The following CAPS2 variants were observed in gnomAD, a reference collection of about 807,000 sequenced individuals.
CAPS2 encodes calcyphosine 2, also known as calcyphosin-2.
In CAPS2, 98 loss-of-function variants were observed where a neutral mutation model predicts 86.5. The ratio of observed to expected loss-of-function variants is 1.13; its 90% confidence interval spans 0.96 to 1.34. CAPS2 has a LOEUF of 1.34. CAPS2 is among the 40% of genes most tolerant of loss of function. The probability of loss-of-function intolerance (pLI) is 0.00; values close to 1 mark genes in which losing one functional copy is unlikely to be tolerated. For synonymous variants in CAPS2, 210 were observed against 225.1 expected (o/e 0.93, Z 0.60); for missense variants, 729 against 686.8 (o/e 1.06, Z -0.69).
chr12:75,387,361 C>G (rs1294393016), intron 1 of CAPS2, among the ~76,000 whole-genome samples: 1 of 152,152 alleles, frequency 6.6e-6, no homozygotes, highest in Admixed American at 6.5e-5. Context: ...TGAAATACCA[C>G]TACACACCTT....
chr12:75,346,662 A>C (rs2042470368), intron 1 of CAPS2, among the ~76,000 whole-genome samples: 1 of 152,128 alleles, frequency 6.6e-6, no homozygotes, highest in African/African-American at 2.4e-5. Context: ...TCTCGTTTTT[A>C]AGTTCTCAGT....
chr12:75,305,647 C>T (rs71460129), intron 7 of CAPS2: 36,774 of 630,750 alleles, frequency 0.058, 1,394 homozygotes, highest in African/African-American at 0.15. Context: ...CGGAGAAGGG[C>T]GGCGCCCACC....
chr12:75,284,928 A>T (rs1197810697), intron 15 of CAPS2, 33 bp downstream of exon 15: 1 of 1,554,384 alleles, frequency 6.4e-7, no homozygotes, highest in Non-Finnish European at 8.8e-7. Flanking sequence ...TCTATTAAAA[A>T]TAACAATTTG....
intron 1 of CAPS2, among the ~76,000 whole-genome samples, chr12:75,364,456 C>G (rs2139635941): frequency 6.6e-6 from 1 of 152,352 alleles, no homozygotes; most frequent in South Asian, 2.1e-4. Flanking sequence ...CAGGTTCATC[C>G]TGTCCCTCAG....
intron 1 of CAPS2, among the ~76,000 whole-genome samples, chr12:75,348,758 G>C (rs947577960): frequency 2.6e-5 from 4 of 152,074 alleles, no homozygotes; most frequent in African/African-American, 9.7e-5. Flanking sequence ...CAAGTGGTAG[G>C]GACCAATATA....
At chr12:75,330,025 C>T, upstream of CAPS2, 1 of 615,940 alleles carries the variant, frequency 1.6e-6, no homozygotes, top group Non-Finnish European at 2.8e-6. Context: ...AAGCTTTAGA[C>T]AGGACAGTCT....
chr12:75,310,253 GT>G (rs1278958657), intron 7 of CAPS2, among the ~76,000 whole-genome samples: 1 of 152,118 alleles, frequency 6.6e-6, no homozygotes, highest in African/African-American at 2.4e-5. Context: ...AAGATACAAA[GT>G]TTTGAGAAAG....
chr12:75,366,824 C>T (rs867733773), intron 1 of CAPS2: 18 of 698,310 alleles, frequency 2.6e-5, no homozygotes, highest in Middle Eastern at 3.1e-4. Context: ...GCTAAAAATG[C>T]CAAGTGAACA....
chr12:75,290,055 C>T (rs2035572642), intron 13 of CAPS2, among the ~76,000 whole-genome samples: 1 of 152,076 alleles, frequency 6.6e-6, no homozygotes, highest in Non-Finnish European at 1.5e-5. Context: ...ACTTTATCAC[C>T]AAGAGAATAA....
intron 1 of CAPS2, chr12:75,361,049 A>C (rs1013680243): frequency 1.3e-5 from 2 of 152,140 alleles, no homozygotes; most frequent in African/African-American, 4.8e-5. Context: ...GAATTAATTA[A>C]GCAAAAGAGA....
rs111991215 is a variant in CAPS2, at chr12:75,361,797, C to G, written c.-395+29041G>C. ...AACCACCCCCATAATCCAATCACCT[C>G]CCTCCCTAAACTTGGGGCTTACAGG... On this transcript the variant is annotated intron_variant, in intron 1 of 5. Coordinates refer to the CAPS2 transcript ENST00000551829. Among the ~76,000 whole-genome samples, 171 of 152,216 alleles carry G rather than the reference C, an allele frequency of 1.1e-3. 3 individuals are homozygous for G. The highest frequency in any genetic ancestry group is 4.0e-3 in the African/African-American group (166 of 41,546).
chr12:75,321,707 C>T (rs1017401186), intron 4 of CAPS2, 131 bp from the exon 5 acceptor site: 3 of 676,490 alleles, frequency 4.4e-6, no homozygotes, highest in African/African-American at 3.6e-5. Flanking sequence ...ATGTTCTAAG[C>T]AGAGATGGTA....
intron 15 of CAPS2, among the ~76,000 whole-genome samples, chr12:75,284,545 A>C (rs1341004515): frequency 2.0e-5 from 3 of 152,126 alleles, no homozygotes; most frequent in African/African-American, 7.2e-5. Flanking sequence ...AAATGACTGG[A>C]GTATTGACAC....
chr12:75,334,572 C>A (rs1046961685), upstream of CAPS2: 1 of 1,427,368 alleles, frequency 7.0e-7, no homozygotes, highest in Non-Finnish European at 9.1e-7. Context: ...TTCCCCACAG[C>A]GACACTGACA....
chr12:75,296,565 T>A (rs2036923777), intron 11 of CAPS2, among the ~76,000 whole-genome samples: 1 of 152,210 alleles, frequency 6.6e-6, no homozygotes, highest in Admixed American at 6.5e-5. Context: ...GTGCTGGGAT[T>A]ACAGGCGTGA....
rs532515282 is a variant in CAPS2, at chr12:75,299,791, G to A, written c.854+46C>T. On this transcript the variant is annotated intron_variant, in intron 9 of 16. Transcript: ENST00000393284. ...TCATTTCTATTCAAAAAGAGAATAC[G>A]TTTTTATAATCATAGGATTAAAAAT... 45 of 922,510 alleles carry A rather than the reference G, an allele frequency of 4.9e-5. No individual in the cohort carries two copies. In the Middle Eastern group the frequency reaches 6.6e-4, roughly 13 times the overall value. The allele number at this position is 922,510 out of a possible 1,614,324, so 57.1% of individuals were successfully genotyped here. A position where few individuals can be genotyped will look rare whatever the true frequency, so the allele number is the denominator to read the frequency against.
intron 16 of CAPS2, among the ~76,000 whole-genome samples, chr12:75,280,056 G>A (rs1593167104): frequency 3.3e-5 from 5 of 151,204 alleles, no homozygotes; most frequent in African/African-American, 7.3e-5. Flanking sequence ...CAGTCCTCTC[G>A]GAGACCAGAA....
intron 7 of CAPS2, among the ~76,000 whole-genome samples, chr12:75,312,216 C>G (rs1313578131): frequency 6.6e-6 from 1 of 152,142 alleles, no homozygotes; most frequent in Non-Finnish European, 1.5e-5. Context: ...CCCTGAGGTA[C>G]CACAGTGAAC....
intron 1 of CAPS2, among the ~76,000 whole-genome samples, chr12:75,335,380 CTATT>C (rs2041657349): frequency 6.6e-6 from 1 of 152,100 alleles, no homozygotes; most frequent in Admixed American, 6.5e-5. Context: ...ATACAGTACT[CTATT>C]GAAGAATAAG....
Sources: gnomAD v4.1 joint callset for allele counts (sites outside exome capture counted in the v4.1 genomes callset) on GRCh38, gnomAD v4.1.1 for gene constraint, MANE v1.5 for transcripts, NCBI Gene and HGNC (gene_info 2026-07-23, HGNC 2026-07-21) for gene names.